Variants in FZD3 observed in about 807,000 individuals in gnomAD.
FZD3 encodes frizzled-3.
A neutral mutation model predicts 60.7 loss-of-function variants in FZD3; 30 were observed. The observed-to-expected ratio is 0.49, with a 90% CI of 0.37 to 0.67. The LOEUF (loss-of-function observed/expected upper bound fraction) is 0.67. Among genes scored for constraint, FZD3 ranks in the 30% least tolerant of loss-of-function variants. The pLI, the probability that FZD3 is intolerant of heterozygous loss-of-function variation, is 0.00. For missense variants in FZD3, 605 were observed against 838.7 expected, an observed-to-expected ratio of 0.72 and a Z score of 3.44; for synonymous variants, 246 against 275.2, an observed-to-expected ratio of 0.89 and a Z score of 1.05.
chr8:28,535,092 A>G (rs777816598), intron 5 of FZD3, among the ~76,000 whole-genome samples: 9 of 152,224 alleles, frequency 5.9e-5, no homozygotes, highest in Non-Finnish European at 1.2e-4. Context: ...TGAATTTTTT[A>G]TCATGTTTTT....
intron 3 of FZD3, among the ~76,000 whole-genome samples, chr8:28,517,684 A>G (rs982432443): frequency 2.6e-5 from 4 of 152,102 alleles, no homozygotes; most frequent in South Asian, 2.1e-4. Context: ...TGCCAGTCCT[A>G]TCTTCTGATA....
chr8:28,548,798 A>G (rs1357255713), intron 5 of FZD3, among the ~76,000 whole-genome samples: 1 of 152,190 alleles, frequency 6.6e-6, no homozygotes, highest in Non-Finnish European at 1.5e-5. Flanking sequence ...GATTGTGTCA[A>G]ATTTAATAAC....
intron 5 of FZD3, among the ~76,000 whole-genome samples, chr8:28,531,880 T>C: frequency 6.6e-6 from 1 of 152,196 alleles, no homozygotes; most frequent in Non-Finnish European, 1.5e-5. Flanking sequence ...ACTTTATTTG[T>C]GCTTTCTTAG....
intron 3 of FZD3, among the ~76,000 whole-genome samples, chr8:28,519,120 T>C (rs1279901136): frequency 6.6e-6 from 1 of 152,222 alleles, no homozygotes; most frequent in East Asian, 1.9e-4. Flanking sequence ...TTGTATTATG[T>C]ATAGGAGGCT....
chr8:28,500,244 A>G (rs540200024), intron 2 of FZD3, among the ~76,000 whole-genome samples: 143 of 152,342 alleles, frequency 9.4e-4, no homozygotes, highest in Non-Finnish European at 1.7e-3. Context: ...ATCTTGGTAC[A>G]TGGTAATTTG....
rs1352769508 is a variant in FZD3, at chr8:28,564,547, A to G, written c.*1536A>G. The G allele has an allele frequency of 4.6e-5, 7 of 151,616 alleles. No individual in the cohort carries two copies. In the South Asian group the frequency reaches 1.3e-3, roughly 27 times the overall value. 9.4% of individuals were successfully genotyped at this position (151,616 alleles called of 1,614,324 possible). ...CCCTGATGATCTGTCGGCATCATAT[A>G]TCACATGAACATCCACATGGATTCT... On this transcript the variant is annotated 3_prime_UTR_variant, in exon 8 of 8. Coordinates refer to ENST00000240093, the MANE Select transcript of FZD3 (RefSeq NM_017412.4).
At chr8:28,509,910 A>G (rs1249568014) in intron 3 of FZD3, among the ~76,000 whole-genome samples, 1 of 152,192 alleles carries the variant, frequency 6.6e-6, no homozygotes, top group African/African-American at 2.4e-5. Context: ...TAAATGTACA[A>G]TCTGAGTTCC....
intron 1 of FZD3, among the ~76,000 whole-genome samples, chr8:28,495,411 G>T (rs1299386823): frequency 6.6e-6 from 1 of 152,168 alleles, no homozygotes; most frequent in African/African-American, 2.4e-5. Context: ...TTTAGATACA[G>T]CCTCATCTTA....
At position 28,545,588 on chromosome 8, in the gene FZD3, G is replaced by A. The variant is rs1423879871; in HGVS notation, c.1405-6015G>A. ...AGTGAAGAAGCCATCCTGTATGTAT[G>A]TCCAGCTCAGACTAACATCCAGATG... On this transcript the variant is annotated intron_variant, in intron 5 of 7. Transcript: ENST00000240093. Among the ~76,000 whole-genome samples, 5 of 152,184 alleles carry A rather than the reference G, an allele frequency of 3.3e-5. No individual in the cohort carries two copies. In the South Asian group the frequency reaches 6.2e-4, roughly 19 times the overall value.
At chr8:28,503,256 C>G (rs1335321644) in intron 3 of FZD3, 54 bp downstream of exon 3, 1 of 1,041,218 alleles carries the variant, frequency 9.6e-7, no homozygotes, top group Admixed American at 2.0e-5. Flanking sequence ...TTGTGTTGTC[C>G]CATCAGCCAA....
chr8:28,536,948 T>C (rs1462028838), intron 5 of FZD3, among the ~76,000 whole-genome samples: 2 of 152,216 alleles, frequency 1.3e-5, no homozygotes, highest in Non-Finnish European at 2.9e-5. Context: ...GAAATGGGTA[T>C]GTTTTACGCT....
At chr8:28,529,806 T>C (rs79037800) in intron 5 of FZD3, among the ~76,000 whole-genome samples, 1,591 of 152,244 alleles carry the variant, frequency 0.01, 68 homozygotes, top group Admixed American at 0.076. Flanking sequence ...TACTAAAAAC[T>C]CTTATTATGA....
At chr8:28,536,014 G>T (rs1351305757) in intron 5 of FZD3, among the ~76,000 whole-genome samples, 3 of 152,150 alleles carry the variant, frequency 2.0e-5, no homozygotes, top group African/African-American at 7.2e-5. Context: ...AAAATAATAT[G>T]TTAAATACAG....
At chr8:28,524,504 C>T (rs1286648178) in intron 4 of FZD3, among the ~76,000 whole-genome samples, 1 of 152,214 alleles carries the variant, frequency 6.6e-6, no homozygotes. Flanking sequence ...ACCTTTATTT[C>T]CTTCAACCTC....
intron 6 of FZD3, among the ~76,000 whole-genome samples, chr8:28,554,443 G>A (rs2323022): frequency 0.53 from 80,832 of 151,822 alleles, 22,027 homozygotes; most frequent in South Asian, 0.63. Context: ...CATGTTTTTG[G>A]CACTTTGTTT....
chr8:28,557,227 G>A (rs1221774533), intron 7 of FZD3, among the ~76,000 whole-genome samples: 2 of 141,704 alleles, frequency 1.4e-5, no homozygotes, highest in Non-Finnish European at 3.1e-5. Context: ...AAAAAAAAAA[G>A]AAGAAGAAAT....
intron 7 of FZD3, among the ~76,000 whole-genome samples, chr8:28,558,645 T>C (rs1023826210): frequency 6.6e-6 from 1 of 152,140 alleles, no homozygotes; most frequent in East Asian, 1.9e-4. Context: ...TTGGCCAAGC[T>C]GGTCTCGAAC....
chr8:28,543,200 A>T (rs1805212776), intron 5 of FZD3, among the ~76,000 whole-genome samples: 1 of 152,144 alleles, frequency 6.6e-6, no homozygotes, highest in South Asian at 2.1e-4. Flanking sequence ...TCTTAGTTTT[A>T]ATTTTTATGT....
At chr8:28,551,882 G>A in intron 6 of FZD3, 131 bp downstream of exon 6, 2 of 727,230 alleles carry the variant, frequency 2.8e-6, no homozygotes, top group South Asian at 1.9e-5. Flanking sequence ...GCAGTATCCA[G>A]TTATGATTGG....
Sources: allele counts gnomAD v4.1 joint callset (sites outside exome capture counted in the v4.1 genomes callset), GRCh38; gene constraint gnomAD v4.1.1; transcripts MANE v1.5; gene names NCBI Gene and HGNC (gene_info 2026-07-23, HGNC 2026-07-21).